VSTM4: variants seen among roughly 807,000 people sequenced by gnomAD.
VSTM4 encodes V-set and transmembrane domain containing 4, also known as V-set and transmembrane domain-containing protein 4.
In VSTM4, 20 loss-of-function variants were observed where a neutral mutation model predicts 36.4. The observed-to-expected ratio is 0.55, with a 90% confidence interval of 0.39 to 0.80. The LOEUF is 0.80. VSTM4 is among the 30% of genes least tolerant of loss of function. VSTM4 has a pLI of 0.00. For synonymous variants in VSTM4, 182 were observed against 173.9 expected (o/e 1.05, Z -0.37); for missense variants, 392 against 404.5 (o/e 0.97, Z 0.26).
chr10:49,024,414 T>C (rs1180710873), intron 7 of VSTM4, among the ~76,000 whole-genome samples: 2 of 152,072 alleles, frequency 1.3e-5, no homozygotes, highest in Non-Finnish European at 1.5e-5. Context: ...AAGGCTGCAA[T>C]AAAGGGAAAT....
intron 5 of VSTM4, among the ~76,000 whole-genome samples, chr10:49,062,936 T>C (rs1451386537): frequency 6.6e-6 from 1 of 152,222 alleles, no homozygotes; most frequent in Non-Finnish European, 1.5e-5. Context: ...TTTAGTTCTA[T>C]AATTTCCATA....
At chr10:49,056,326 G>A (rs1403716093) in intron 5 of VSTM4, among the ~76,000 whole-genome samples, 1 of 152,246 alleles carries the variant, frequency 6.6e-6, no homozygotes, top group Non-Finnish European at 1.5e-5. Context: ...GTGAGATCAG[G>A]AGATACTTTA....
chr10:49,108,817 CCT>C (rs1428778464), intron 1 of VSTM4, among the ~76,000 whole-genome samples: 1 of 152,110 alleles, frequency 6.6e-6, no homozygotes, highest in African/African-American at 2.4e-5. Flanking sequence ...CTGTTCTGCC[CCT>C]GAGCTGACCT....
At chr10:49,046,864 T>C in intron 7 of VSTM4, 119 bp downstream of exon 7, 1 of 1,003,138 alleles carries the variant, frequency 1.0e-6, no homozygotes, top group Non-Finnish European at 1.5e-6. Context: ...ATGTTTTTGT[T>C]TGGGGACAAA....
At chr10:49,075,887 AGGGCCT>A (rs1483246803) in intron 4 of VSTM4, among the ~76,000 whole-genome samples, 13 of 152,098 alleles carry the variant, frequency 8.5e-5, no homozygotes, top group Admixed American at 2.6e-4. Flanking sequence ...GGGAGGGGAG[AGGGCCT>A]GAGGAGTGTA....
intron 2 of VSTM4, chr10:49,102,519 T>C: frequency 1.0e-6 from 1 of 985,464 alleles, no homozygotes; most frequent in Non-Finnish European, 1.2e-6. Flanking sequence ...ATGTTGTGTC[T>C]ACAGTGCTAA....
In VSTM4 at chr10:49,048,486, G is replaced by A; in HGVS notation, c.767C>T (p.Pro256Leu). 1 of 1,589,088 alleles carries A rather than the reference G, an allele frequency of 6.3e-7. No individual in the cohort carries two copies. The change falls in exon 6 of 8, where the codon CCT becomes CTT. Residue 256 changes from proline (P) to leucine (L), a missense_variant. Coordinates refer to ENST00000332853, the MANE Select transcript of VSTM4 (RefSeq NM_001031746.5). ...GCAGGCCAGCTCCTTACCTTTGGCA[G>A]GGACTGCGGGAGGAATGTCAGGCTT... is the stretch of plus-strand genomic sequence containing the variant. ...KEKPDIPPAVPAKAPIAPTFH... is the reference protein window; with the variant it reads ...KEKPDIPPAVLAKAPIAPTFH...
intron 5 of VSTM4, 100 bp from the exon 6 acceptor site, chr10:49,048,684 C>A: frequency 6.4e-6 from 6 of 937,944 alleles, no homozygotes; most frequent in Non-Finnish European, 9.6e-6. Flanking sequence ...TTTCTGAGTG[C>A]TCCCTGTGTA....
Position 49,107,999 on chromosome 10 carries a change from C to G in VSTM4, c.56-4G>C. 1 of 1,554,786 alleles carries G rather than the reference C, an allele frequency of 6.4e-7. No individual in the cohort carries two copies. Among genetic ancestry groups the G allele is most frequent in the Non-Finnish European group, 8.7e-7 (1 of 1,147,658 alleles). The stretch of plus-strand genomic sequence containing the variant: ...ACATTGAGGGCCGCACAGACCTCTG[C>G]AGAGAAAAAGGGGAGAAGAGAGGAT... On this transcript the variant is annotated splice_region_variant and splice_polypyrimidine_tract_variant and intron_variant, in intron 1 of 7. Coordinates refer to ENST00000332853, the MANE Select transcript of VSTM4 (RefSeq NM_001031746.5).
chr10:49,087,289 C>T (rs944861006), intron 2 of VSTM4, among the ~76,000 whole-genome samples: 2 of 152,194 alleles, frequency 1.3e-5, no homozygotes, highest in Non-Finnish European at 2.9e-5. Flanking sequence ...TCATCTAATT[C>T]TGCGACCATA....
intron 1 of VSTM4, 37 bp from the exon 2 acceptor site, chr10:49,108,032 G>A: frequency 6.6e-7 from 1 of 1,517,678 alleles, no homozygotes; most frequent in Non-Finnish European, 8.9e-7. Context: ...GATGAGGAGG[G>A]CCCCAAGTCC....
intron 4 of VSTM4, among the ~76,000 whole-genome samples, chr10:49,068,924 A>C (rs571117662): frequency 6.6e-6 from 1 of 152,128 alleles, no homozygotes; most frequent in East Asian, 1.9e-4. Context: ...TCAAATGGTT[A>C]TTTTAGGATC....
intron 5 of VSTM4, among the ~76,000 whole-genome samples, chr10:49,055,729 T>C (rs1001238675): frequency 1.1e-4 from 16 of 152,190 alleles, no homozygotes; most frequent in African/African-American, 3.6e-4. Flanking sequence ...AACTTCACTT[T>C]CAAGATGGAT....
chr10:49,108,471 G>C (rs913413072), intron 1 of VSTM4, among the ~76,000 whole-genome samples: 1 of 152,282 alleles, frequency 6.6e-6, no homozygotes, highest in Admixed American at 6.5e-5. Context: ...AGCCGCCCTG[G>C]AGCAGGGCAG....
At chr10:49,110,357 G>A (rs964259857) in intron 1 of VSTM4, among the ~76,000 whole-genome samples, 1 of 152,154 alleles carries the variant, frequency 6.6e-6, no homozygotes, top group Non-Finnish European at 1.5e-5. Context: ...CCACTTCTGT[G>A]GCTCAGGACA....
intron 4 of VSTM4, among the ~76,000 whole-genome samples, chr10:49,068,476 C>T (rs1311014736): frequency 3.3e-5 from 5 of 152,096 alleles, no homozygotes; most frequent in South Asian, 2.1e-4. Context: ...CCCCTGCCAG[C>T]GCTTGCTGAG....
At position 49,097,009 on chromosome 10, in the gene VSTM4, G is replaced by A. The variant is rs1281528541; in HGVS notation, c.457+10585C>T. The stretch of plus-strand genomic sequence containing the variant: ...AAAGCTGTGGCCTCCCTAAGAGCAG[G>A]AGCCTCTTAGGGAGGCTAATGACTA... On this transcript the variant is annotated intron_variant, in intron 2 of 7. Transcript: ENST00000332853. Among the ~76,000 whole-genome samples, 3 of 152,028 alleles carry A rather than the reference G, an allele frequency of 2.0e-5. No homozygotes were observed. The East Asian group carries it at 5.8e-4, about 29-fold the overall frequency.
At chr10:49,053,514 G>C (rs1843730374) in intron 5 of VSTM4, among the ~76,000 whole-genome samples, 1 of 152,220 alleles carries the variant, frequency 6.6e-6, no homozygotes, top group Admixed American at 6.5e-5. Context: ...TAAAAGGGGA[G>C]GTGTATGTTG....
In VSTM4 at chr10:49,081,616, G is replaced by T. The variant is rs190977627; in HGVS notation, c.527-4290C>A. ...TCAAAAGGCCCAAGCTACAGTTTCA[G>T]TTCACAGCTTCCTCAACATGGCTCA... On this transcript the variant is annotated intron_variant, in intron 3 of 7. Coordinates refer to ENST00000332853, the MANE Select transcript of VSTM4 (RefSeq NM_001031746.5). Among the ~76,000 whole-genome samples the T allele has an allele frequency of 2.0e-4, 30 of 152,372 alleles. No homozygotes were observed. In the East Asian group the frequency reaches 5.4e-3, roughly 27 times the overall value.
Sources: gnomAD v4.1 joint callset for allele counts (sites outside exome capture counted in the v4.1 genomes callset) on GRCh38, gnomAD v4.1.1 for gene constraint, MANE v1.5 for transcripts, NCBI Gene and HGNC (gene_info 2026-07-23, HGNC 2026-07-21) for gene names.